The following DNAJC13 variants were observed in gnomAD, a reference collection of about 807,000 sequenced individuals.
DNAJC13 encodes the protein DnaJ heat shock protein family (Hsp40) member C13.
Under a neutral mutation model 290.5 loss-of-function variants are expected in DNAJC13, and 75 were observed. The observed-to-expected ratio is 0.26, with a 90% CI of 0.21 to 0.31. The LOEUF is 0.31. Among genes scored for constraint, DNAJC13 ranks in the 10% least tolerant of loss-of-function variants. The pLI is 1.00. For missense variants in DNAJC13, 2,260 were observed against 2,674.5 expected, an observed-to-expected ratio of 0.85 and a Z score of 3.42; for synonymous variants, 862 against 892.0, an observed-to-expected ratio of 0.97 and a Z score of 0.60.
rs771122792 is a variant in DNAJC13 at position 132,525,631 on chromosome 3, A to G, written c.6082A>G (p.Thr2028Ala). 2.5e-6 allele frequency: 4 copies of G among 1,613,742 alleles called. No individual in the cohort carries two copies. The highest frequency in any genetic ancestry group is 1.7e-5 in the Admixed American group (1 of 59,918). ...NPHGETLETLTMATVCLFSAQ... is the reference protein window; with the variant it reads ...NPHGETLETLAMATVCLFSAQ... ...GCAGGGAGAAACTCTGGAAACCTTG[A>G]CAATGGCAACAGTGTGTCTCTTCAG... Residue 2028 changes from threonine to alanine, a missense_variant, in exon 52 of 56, where the codon ACA (threonine) becomes GCA (alanine). Transcript: ENST00000260818.
chr3:132,456,216 TAC>T lies in DNAJC13; in HGVS notation c.933-18_933-17del. On this transcript the variant is annotated splice_polypyrimidine_tract_variant and intron_variant, in intron 9 of 55. Coordinates refer to ENST00000260818, the MANE Select transcript of DNAJC13 (RefSeq NM_015268.4). ...AATCATCAATGCTAAAACCTTTTTTTACTTTTAATCTTACTTAGAGATTCCTT... is the reference window on the plus strand; with the variant it reads ...AATCATCAATGCTAAAACCTTTTTTTTTTTAATCTTACTTAGAGATTCCTT... 1 of 1,606,098 alleles carries T rather than the reference TAC, an allele frequency of 6.2e-7. No homozygotes were observed. Among genetic ancestry groups the T allele is most frequent in the Non-Finnish European group, 8.5e-7 (1 of 1,177,452 alleles).
Position 132,492,503 on chromosome 3 carries a change from C to G in DNAJC13, c.3713C>G (p.Pro1238Arg). Residue 1238 changes from proline to arginine, a missense_variant, in exon 33 of 56, where the codon CCC becomes CGC. Physicochemically the swap from Pro to Arg is moderately radical, Grantham distance 103 (BLOSUM62 -2). Coordinates refer to ENST00000260818, the MANE Select transcript of DNAJC13 (RefSeq NM_015268.4). ...ACAAGAGCACTTTATCAGTATTGCC[C>G]CATTCCTATAATCAACTATCCACAA... ...SNTRALYQYC[P>R]IPIINYPQLE... 6.2e-7 allele frequency: 1 copy of G among 1,613,786 alleles called. No homozygotes were observed. The highest frequency in any genetic ancestry group is 8.5e-7 in the Non-Finnish European group (1 of 1,179,832).
Position 132,457,449 on chromosome 3 carries a change from T to C in DNAJC13, c.1449+81T>C, listed in dbSNP as rs559500021. ...GATTTCCACAGTCCCAGATTTTCAT[T>C]GTACCAATAAGTTCTTGTTTCTGTT... On this transcript the variant is annotated intron_variant, in intron 13 of 55. Coordinates refer to ENST00000260818, the MANE Select transcript of DNAJC13 (RefSeq NM_015268.4). The C allele has an allele frequency of 8.3e-5, 91 of 1,093,198 alleles. No individual in the cohort carries two copies. The South Asian group carries it at 1.2e-3, about 14-fold the overall frequency. The allele number at this position is 1,093,198 out of a possible 1,614,324, so 67.7% of individuals were successfully genotyped here.
rs751818109 is a variant in DNAJC13 at position 132,511,020 on chromosome 3, T to C, written c.5116-47T>C. The stretch of plus-strand genomic sequence containing the variant: ...AGTTCTTTCTTTTGCTATGGAGTTA[T>C]TTCTTAGGGCACCCATGTTGTTTAA... On this transcript the variant is annotated intron_variant, in intron 43 of 55. Coordinates refer to ENST00000260818, the MANE Select transcript of DNAJC13 (RefSeq NM_015268.4). The C allele has an allele frequency of 1.9e-6, 3 of 1,589,048 alleles. No individual in the cohort carries two copies. In the South Asian group the frequency reaches 3.4e-5, roughly 18 times the overall value.
At chr3:132,456,478 T>G in intron 10 of DNAJC13, 23 bp from the exon 11 acceptor site, 1 of 1,609,956 alleles carries the variant, frequency 6.2e-7, no homozygotes, top group Non-Finnish European at 8.5e-7. Flanking sequence ...ATCTTCTTTT[T>G]GAACCTCTTA....
At chr3:132,453,556 T>TA in intron 7 of DNAJC13, 43 bp from the exon 8 acceptor site, 1 of 1,608,566 alleles carries the variant, frequency 6.2e-7, no homozygotes, top group African/African-American at 1.3e-5. Context: ...TTTGACGTTT[T>TA]AAAAAATAAC....
Position 132,505,296 on chromosome 3 carries a change from T to G in DNAJC13, c.4885-6T>G. The G allele has an allele frequency of 6.5e-7, 1 of 1,545,010 alleles. No homozygotes were observed. The highest frequency in any genetic ancestry group is 1.1e-5 in the South Asian group (1 of 87,470). On this transcript the variant is annotated splice_polypyrimidine_tract_variant and splice_region_variant and intron_variant, in intron 41 of 55. Transcript: ENST00000260818. ...AATGTTATAAAACGGTAATATTGTC[T>G]CCTAGATTTTGAAGATGCTTAACAG...
chr3:132,501,668 C>G (rs192911414), intron 39 of DNAJC13, among the ~76,000 whole-genome samples: 19 of 152,138 alleles, frequency 1.2e-4, no homozygotes, highest in Admixed American at 1.2e-3. Flanking sequence ...TGAGAACTTA[C>G]TATTTCCTCC....
intron 25 of DNAJC13, among the ~76,000 whole-genome samples, chr3:132,480,020 CAG>C (rs1028763355): frequency 7.4e-4 from 113 of 152,172 alleles, no homozygotes; most frequent in African/African-American, 2.6e-3. Context: ...TTTAATATAG[CAG>C]ACTTTATTTC....
chr3:132,462,507 T>G lies in DNAJC13; in HGVS notation c.1754T>G (p.Met585Arg). 6.2e-7 allele frequency: 1 copy of G among 1,610,132 alleles called. No homozygotes were observed. The highest frequency in any genetic ancestry group is 8.5e-7 in the Non-Finnish European group (1 of 1,178,478). ...MAIIKGAGLV[M>R]KAIIEEGDKE... ...ATAATAAAAGGAGCTGGGTTGGTTA[T>G]GAAGGCAATAATAGAGGTGAGAGAA... The change falls in exon 16 of 56, where the codon ATG becomes AGG. Residue 585 changes from methionine to arginine, a missense_variant. This residue lies in a region of DNAJC13 where 762 missense variants were observed against 964.1 expected (regional missense o/e 0.79). Coordinates refer to ENST00000260818, the MANE Select transcript of DNAJC13 (RefSeq NM_015268.4).
At chr3:132,486,024 A>C (rs969980537) in intron 29 of DNAJC13, among the ~76,000 whole-genome samples, 3 of 149,662 alleles carry the variant, frequency 2.0e-5, no homozygotes, top group Admixed American at 1.3e-4. Flanking sequence ...TTACTACCTA[A>C]ATGCTTATGT....
At chr3:132,433,164 C>T (rs905446058) in intron 1 of DNAJC13, among the ~76,000 whole-genome samples, 1 of 152,160 alleles carries the variant, frequency 6.6e-6, no homozygotes, top group Non-Finnish European at 1.5e-5. Flanking sequence ...GATACAAGGA[C>T]GAATGATGAT....
At chr3:132,496,993 A>G (rs954964446) in intron 36 of DNAJC13, among the ~76,000 whole-genome samples, 1 of 152,210 alleles carries the variant, frequency 6.6e-6, no homozygotes, top group African/African-American at 2.4e-5. Flanking sequence ...GAATTTAAAG[A>G]TCATTTCATG....
chr3:132,437,156 G>A (rs945693693), intron 2 of DNAJC13, among the ~76,000 whole-genome samples: 1 of 152,140 alleles, frequency 6.6e-6, no homozygotes, highest in Non-Finnish European at 1.5e-5. Context: ...AGGGATTGCA[G>A]GTGTGAGCCA....
intron 42 of DNAJC13, 151 bp downstream of exon 42, chr3:132,505,566 A>G: frequency 1.6e-6 from 1 of 607,776 alleles, no homozygotes; most frequent in South Asian, 2.1e-5. Flanking sequence ...CCCATTTAAG[A>G]AGAGCATTGT....
At chr3:132,535,122 G>A (rs1443539850) in intron 55 of DNAJC13, among the ~76,000 whole-genome samples, 2 of 152,186 alleles carry the variant, frequency 1.3e-5, no homozygotes, top group African/African-American at 4.8e-5. Context: ...ATATCTTTAG[G>A]TGAGTTTGGC....
chr3:132,501,239 G>T (rs552961721), intron 39 of DNAJC13, among the ~76,000 whole-genome samples: 11 of 152,248 alleles, frequency 7.2e-5, no homozygotes, highest in African/African-American at 2.6e-4. Context: ...GGTGGCTCAC[G>T]TCTGTAATCC....
chr3:132,489,137 G>T, intron 31 of DNAJC13, 116 bp downstream of exon 31: 1 of 714,326 alleles, frequency 1.4e-6, no homozygotes, highest in Non-Finnish European at 2.3e-6. Context: ...GGTAGGTATT[G>T]TTTTATTCTG....
chr3:132,472,009 T>C (rs1207576809), intron 20 of DNAJC13, among the ~76,000 whole-genome samples: 2 of 149,336 alleles, frequency 1.3e-5, no homozygotes, highest in East Asian at 3.9e-4. Context: ...CTCGGGAGGC[T>C]GAGGTTGGCG....
Sources: gnomAD v4.1 joint callset for allele counts (sites outside exome capture counted in the v4.1 genomes callset) on GRCh38, gnomAD v4.1.1 for gene constraint, gnomAD v4.1.1 regional missense constraint, MANE v1.5 for transcripts, NCBI Gene and HGNC (gene_info 2026-07-23, HGNC 2026-07-21) for gene names.